The following BBS9 variants were observed in gnomAD, a reference collection of about 807,000 sequenced individuals.
BBS9 encodes the protein protein PTHB1.
BBS9 carries 89 observed loss-of-function variants against 117.7 expected under a neutral mutation model. That is an observed-to-expected ratio of 0.76 (90% CI 0.64 to 0.90). The LOEUF (loss-of-function observed/expected upper bound fraction) is 0.90, where lower values mean the gene tolerates loss of function less well. BBS9 is among the 40% of genes least tolerant of loss of function. BBS9 has a pLI of 0.00. For synonymous variants in BBS9, 379 were observed against 370.9 expected, an observed-to-expected ratio of 1.02 and a Z score of -0.25; for missense variants, 982 against 1,042.2, an observed-to-expected ratio of 0.94 and a Z score of 0.80.
chr7:33,458,871 G>A (rs1410636507), intron 19 of BBS9, among the ~76,000 whole-genome samples: 3 of 152,120 alleles, frequency 2.0e-5, no homozygotes, highest in South Asian at 4.1e-4. Context: ...AGAAACTGTA[G>A]CACCCTCCTT....
At chr7:33,485,403 G>A (rs903302425) in intron 19 of BBS9, among the ~76,000 whole-genome samples, 9 of 146,026 alleles carry the variant, frequency 6.2e-5, no homozygotes, top group South Asian at 2.2e-4. Context: ...TCCGCCTCCC[G>A]GGTTCATGCC....
chr7:33,147,442 G>C (rs1792593037), intron 2 of BBS9, among the ~76,000 whole-genome samples: 1 of 152,168 alleles, frequency 6.6e-6, no homozygotes, highest in Non-Finnish European at 1.5e-5. Flanking sequence ...AAGCAGAAGA[G>C]TGGGAGTACT....
At position 33,280,919 on chromosome 7, in the gene BBS9, T is replaced by TTG. The variant is rs1801747171; in HGVS notation, c.1016+6964_1016+6965insGT. Reference sequence around the variant, plus strand: ...GTTAATTTGTCGTTTTTGTTTTTTTTTTTTTTTTTTTGCATTATAGAAAGA... The same window carrying TTG: ...GTTAATTTGTCGTTTTTGTTTTTTTTTGTTTTTTTTTTTGCATTATAGAAAGA... On this transcript the variant is annotated intron_variant, in intron 9 of 22. Transcript: ENST00000242067. Among the ~76,000 whole-genome samples, 8 of 147,476 alleles carry TTG rather than the reference T, an allele frequency of 5.4e-5. 1 individual carries two copies. The South Asian group carries it at 1.7e-3, about 32-fold the overall frequency.
intron 21 of BBS9, among the ~76,000 whole-genome samples, chr7:33,617,838 A>G (rs1282796799): frequency 6.6e-6 from 1 of 152,184 alleles, no homozygotes; most frequent in Non-Finnish European, 1.5e-5. Flanking sequence ...ATTTGAGATT[A>G]CGCAGTTTGA....
At chr7:33,529,709 T>C (rs964978366) in intron 20 of BBS9, among the ~76,000 whole-genome samples, 1 of 148,136 alleles carries the variant, frequency 6.8e-6, no homozygotes, top group African/African-American at 2.5e-5. Context: ...TTACAGCAAA[T>C]TGTGGATTTG....
Position 33,545,924 on chromosome 7 carries a change from CTTTTTT to C in BBS9, c.2521+11770_2521+11775del, listed in dbSNP as rs10537037. Among the ~76,000 whole-genome samples, 27 of 64,608 alleles carry C rather than the reference CTTTTTT, an allele frequency of 4.2e-4. No individual in the cohort carries two copies. In the South Asian group the frequency reaches 5.3e-3, roughly 13 times the overall value. The allele number at this position is 64,608 out of a possible 152,430, so 42.4% of individuals were successfully genotyped here. ...ATACTATACCTACTGCTTTATAATCCTTTTTTTTTTTTTTTTTTTTTTTTTTTGAGA... is the reference window on the plus strand; with the variant it reads ...ATACTATACCTACTGCTTTATAATCCTTTTTTTTTTTTTTTTTTTTTGAGA... On this transcript the variant is annotated intron_variant, in intron 21 of 22. Transcript: ENST00000242067.
Position 33,367,829 on chromosome 7 carries a change from G to T in BBS9, c.1756G>T (p.Ala586Ser). The change falls in exon 17 of 23, where the codon GCT becomes TCT. Residue 586 changes from alanine to serine, a missense_variant. Physicochemically the swap from Ala to Ser is moderately conservative, Grantham distance 99. Transcript: ENST00000242067. ...AATGGGTTTTCACTTCTTAGGAGGT[G>T]CTCGAATTACTGTTCTTGCTTCCAA... ...NVMGFHFLGG[A>S]RITVLASKTS... 6 of 1,613,830 alleles carry T rather than the reference G, an allele frequency of 3.7e-6. No individual in the cohort carries two copies. Among genetic ancestry groups the T allele is most frequent in the Non-Finnish European group, 5.1e-6 (6 of 1,179,834 alleles).
At chr7:33,313,064 T>TGTGTGC (rs775083252) in intron 9 of BBS9, among the ~76,000 whole-genome samples, 18 of 147,796 alleles carry the variant, frequency 1.2e-4, no homozygotes, top group South Asian at 4.5e-4. Flanking sequence ...TGTGTGTGTG[T>TGTGTGC]GCGCGCACAG....
chr7:33,297,663 A>G (rs372556962), intron 9 of BBS9, among the ~76,000 whole-genome samples: 5 of 152,140 alleles, frequency 3.3e-5, no homozygotes, highest in African/African-American at 9.7e-5. Flanking sequence ...AATATTACCA[A>G]TGCAGTGGAC....
intron 7 of BBS9, 149 bp from the exon 8 acceptor site, chr7:33,272,863 A>G (rs1800049606): frequency 1.2e-6 from 1 of 818,550 alleles, no homozygotes; most frequent in African/African-American, 1.8e-5. Flanking sequence ...GGTCATAGTG[A>G]TAAAAAAAAG....
intron 18 of BBS9, among the ~76,000 whole-genome samples, chr7:33,385,515 G>A (rs1825851008): frequency 6.6e-6 from 1 of 152,174 alleles, no homozygotes; most frequent in African/African-American, 2.4e-5. Context: ...GAGATCAACA[G>A]ATATTTGTTA....
chr7:33,175,757 G>A (rs1159420777), intron 4 of BBS9, among the ~76,000 whole-genome samples: 1 of 152,050 alleles, frequency 6.6e-6, no homozygotes, highest in Non-Finnish European at 1.5e-5. Context: ...CTCCAGCTGG[G>A]GCTCTATAAA....
chr7:33,201,120 A>G (rs1039274423), intron 5 of BBS9, among the ~76,000 whole-genome samples: 3 of 151,976 alleles, frequency 2.0e-5, no homozygotes, highest in African/African-American at 4.8e-5. Context: ...TTTCACTCCT[A>G]TTTGGGGACC....
intron 21 of BBS9, among the ~76,000 whole-genome samples, chr7:33,536,002 C>T (rs949601245): frequency 1.3e-5 from 2 of 151,680 alleles, no homozygotes; most frequent in South Asian, 2.1e-4. Context: ...GGGCTGTGTC[C>T]GTATCTAGGA....
chr7:33,139,935 AT>A (rs11324948), intron 1 of BBS9, among the ~76,000 whole-genome samples: 4,917 of 147,054 alleles, frequency 0.033, 288 homozygotes, highest in East Asian at 0.28. Flanking sequence ...TTCTAGATAC[AT>A]TTTTTTTTTC....
At chr7:33,245,064 T>C (rs771395106) in intron 5 of BBS9, among the ~76,000 whole-genome samples, 2 of 152,170 alleles carry the variant, frequency 1.3e-5, no homozygotes, top group Non-Finnish European at 2.9e-5. Context: ...GCTTTAAGTT[T>C]AATCTGAGTA....
intron 5 of BBS9, among the ~76,000 whole-genome samples, chr7:33,244,330 T>G (rs1399947600): frequency 1.3e-5 from 2 of 152,198 alleles, no homozygotes; most frequent in Non-Finnish European, 2.9e-5. Flanking sequence ...ATGTTACAGG[T>G]GAATGAAATT....
chr7:33,484,808 A>G (rs1331838664), intron 19 of BBS9, among the ~76,000 whole-genome samples: 1 of 152,242 alleles, frequency 6.6e-6, no homozygotes, highest in African/African-American at 2.4e-5. Context: ...TACCCAAAGG[A>G]ATATAACTCC....
rs1423124266 is a variant in BBS9, at chr7:33,390,395, T to C, written c.2115+2251T>C. The stretch of plus-strand genomic sequence containing the variant: ...CTCAAGGTTGAGGTTTTCCATGATT[T>C]GTAATATTACAGACAAGACGATCAA... On this transcript the variant is annotated intron_variant, in intron 19 of 22. Coordinates refer to ENST00000242067, the MANE Select transcript of BBS9 (RefSeq NM_198428.3). 1.5e-5 allele frequency: 15 copies of C among 985,310 alleles called. 1 individual carries two copies. In the Admixed American group the frequency reaches 9.2e-4, roughly 61 times the overall value. The allele number at this position is 985,310 out of a possible 1,614,324, so 61.0% of individuals were successfully genotyped here.
Sources: allele counts gnomAD v4.1 joint callset (sites outside exome capture counted in the v4.1 genomes callset), GRCh38; gene constraint gnomAD v4.1.1; transcripts MANE v1.5; gene names NCBI Gene and HGNC (gene_info 2026-07-23, HGNC 2026-07-21).